NCOA3: variants seen among roughly 807,000 people sequenced by gnomAD.
NCOA3 encodes the protein CBP-interacting protein.
In NCOA3, 51 loss-of-function variants were observed where a neutral mutation model predicts 158.8. The ratio of observed to expected loss-of-function variants is 0.32; its 90% CI spans 0.26 to 0.41. The LOEUF is 0.41. NCOA3 is among the 10% of genes least tolerant of loss of function. The probability of loss-of-function intolerance (pLI) is 1.00; values close to 1 mark genes in which losing one functional copy is unlikely to be tolerated. For missense variants in NCOA3, 1,510 were observed against 1,746.6 expected (o/e 0.86, Z 2.41); for synonymous variants, 537 against 592.4 (o/e 0.91, Z 1.36).
intron 1 of NCOA3, among the ~76,000 whole-genome samples, chr20:47,578,989 A>T (rs2085413101): frequency 6.6e-6 from 1 of 152,178 alleles, no homozygotes; most frequent in South Asian, 2.1e-4. Context: ...TATATTATAT[A>T]GTTTGGATTT....
At chr20:47,599,699 G>A (rs2085825754) in intron 2 of NCOA3, among the ~76,000 whole-genome samples, 2 of 152,108 alleles carry the variant, frequency 1.3e-5, no homozygotes, top group African/African-American at 4.8e-5. Context: ...TCAAAAATAA[G>A]ATGTTAATTG....
intron 5 of NCOA3, among the ~76,000 whole-genome samples, 175 bp downstream of exon 5, chr20:47,625,656 A>AC: frequency 6.6e-6 from 1 of 152,314 alleles, no homozygotes; most frequent in East Asian, 1.9e-4. Context: ...TAATTACAAT[A>AC]TACATAATTC....
In NCOA3 at chr20:47,543,141, C is replaced by T. The variant is rs149546854; in HGVS notation, c.-98-40042C>T. ...GGATTTGCTTCCGAGGTGGCTTACT[C>T]AGTGACCATTGGTGGGAGGTCTCAG... On this transcript the variant is annotated intron_variant, in intron 1 of 22. Transcript: ENST00000371998. Among the ~76,000 whole-genome samples the T allele has an allele frequency of 2.0e-5, 3 of 152,266 alleles. No homozygotes were observed. The East Asian group carries it at 5.8e-4, about 29-fold the overall frequency.
At position 47,652,871 on chromosome 20, in the gene NCOA3, G is replaced by C; in HGVS notation, c.4122-60G>C. On this transcript the variant is annotated intron_variant, in intron 21 of 22. Transcript: ENST00000371998. ...GACACAATTGTAGTAATTTCTGTGG[G>C]CATGCCCTTTGTCGCTAAAGTGACT... 1.3e-6 allele frequency: 2 copies of C among 1,568,502 alleles called. 1 individual carries two copies. The highest frequency in any genetic ancestry group is 4.5e-5 in the East Asian group (2 of 44,464).
intron 2 of NCOA3, among the ~76,000 whole-genome samples, chr20:47,592,315 G>A (rs924784377): frequency 6.6e-6 from 1 of 152,188 alleles, no homozygotes; most frequent in Non-Finnish European, 1.5e-5. Flanking sequence ...AAAGTGCTGG[G>A]ATTACAGGTG....
intron 8 of NCOA3, among the ~76,000 whole-genome samples, chr20:47,632,807 C>T (rs920908205): frequency 1.1e-4 from 16 of 151,674 alleles, no homozygotes; most frequent in Non-Finnish European, 2.1e-4. Flanking sequence ...CTCACCCTCC[C>T]GAGTAGCTGG....
In NCOA3 at chr20:47,510,443, A is replaced by AAACAAAAC. The variant is rs2084101885; in HGVS notation, c.-99+8426_-99+8427insCAAAACAA. Among the ~76,000 whole-genome samples, 4 of 150,512 alleles carry AAACAAAAC rather than the reference A, an allele frequency of 2.7e-5. 1 individual carries two copies. The highest frequency in any genetic ancestry group is 7.3e-5 in the African/African-American group (3 of 40,982). ...GCAAGACTCCATCTCAAAAAAAAAA[A>AAACAAAAC]AAAAGTACACGATCATATCTAGAAT... is the stretch of plus-strand genomic sequence containing the variant. On this transcript the variant is annotated intron_variant, in intron 1 of 22. Transcript: ENST00000371998.
At chr20:47,613,934 T>A (rs1055095166) in intron 2 of NCOA3, among the ~76,000 whole-genome samples, 8 of 151,986 alleles carry the variant, frequency 5.3e-5, no homozygotes, top group Admixed American at 2.0e-4. Context: ...AAAAAAATTT[T>A]CTTTTCTTTC....
intron 2 of NCOA3, among the ~76,000 whole-genome samples, chr20:47,609,097 A>G (rs2086002257): frequency 6.6e-6 from 1 of 152,204 alleles, no homozygotes; most frequent in South Asian, 2.1e-4. Flanking sequence ...CAAATCGGCC[A>G]TTAATTTTAA....
intron 2 of NCOA3, among the ~76,000 whole-genome samples, chr20:47,600,237 C>T (rs1377035390): frequency 1.3e-5 from 2 of 150,824 alleles, no homozygotes; most frequent in African/African-American, 2.4e-5. Flanking sequence ...TGCAGTGGCA[C>T]GATCTTGGCT....
chr20:47,561,397 C>G (rs757546420), intron 1 of NCOA3, among the ~76,000 whole-genome samples: 1 of 151,092 alleles, frequency 6.6e-6, no homozygotes, highest in Non-Finnish European at 1.5e-5. Context: ...AATTCCTGGG[C>G]TCAAGTGATC....
At chr20:47,613,009 A>G (rs1010300260) in intron 2 of NCOA3, among the ~76,000 whole-genome samples, 2 of 152,212 alleles carry the variant, frequency 1.3e-5, no homozygotes, top group Non-Finnish European at 2.9e-5. Flanking sequence ...CAACTTCATC[A>G]GGTTTAAACT....
intron 1 of NCOA3, among the ~76,000 whole-genome samples, chr20:47,546,977 T>C (rs923258724): frequency 2.0e-5 from 3 of 152,192 alleles, no homozygotes; most frequent in Admixed American, 6.5e-5. Context: ...TCTGATTAAG[T>C]TCCTCATCTC....
chr20:47,635,733 C>CT lies in NCOA3; in HGVS notation c.1504+24dup. On this transcript the variant is annotated intron_variant, in intron 11 of 22. Coordinates refer to ENST00000371998, the MANE Select transcript of NCOA3 (RefSeq NM_181659.3). ...TTGCAGGTATTTGTGTTGACATTTC[C>CT]TTTTATTTTTTTTCTTTTTAAGTAA... is the stretch of plus-strand genomic sequence containing the variant. 1.9e-6 allele frequency: 3 copies of CT among 1,580,214 alleles called. No individual in the cohort carries two copies. The highest frequency in any genetic ancestry group is 2.3e-5 in the South Asian group (2 of 85,598).
At chr20:47,631,017 T>TG (rs1654577377) in intron 8 of NCOA3, 2 of 152,344 alleles carry the variant, frequency 1.3e-5, no homozygotes, top group South Asian at 4.1e-4. Context: ...TGTTTAACCA[T>TG]GGAGCATATT....
rs1307708774 is a variant in NCOA3 at position 47,656,128 on chromosome 20, T to C, written c.*2711T>C. 3 of 147,318 alleles carry C rather than the reference T, an allele frequency of 2.0e-5. No individual in the cohort carries two copies. The highest frequency in any genetic ancestry group is 4.5e-5 in the Non-Finnish European group (3 of 66,882). The allele number at this position is 147,318 out of a possible 1,614,324, so 9.1% of individuals were successfully genotyped here. A position where few individuals can be genotyped will look rare whatever the true frequency, so the allele number is the denominator to read the frequency against. On this transcript the variant is annotated 3_prime_UTR_variant, in exon 23 of 23. Transcript: ENST00000371998. ...TGTGGGATATTTCCAGTACCTACTT[T>C]TTTTTTTTTTTTTTGCTGAATCCAA...
chr20:47,640,275 C>G (rs976290710), intron 16 of NCOA3, among the ~76,000 whole-genome samples: 12 of 152,170 alleles, frequency 7.9e-5, no homozygotes, highest in African/African-American at 2.7e-4. Context: ...ACCATGTTGT[C>G]CAGCCATTAG....
At chr20:47,514,550 C>T (rs1021044427) in intron 1 of NCOA3, among the ~76,000 whole-genome samples, 40 of 151,800 alleles carry the variant, frequency 2.6e-4, no homozygotes, top group African/African-American at 9.4e-4. Context: ...ATCATTCCCA[C>T]CTAATTTTTT....
At chr20:47,579,141 A>C (rs1248900189) in intron 1 of NCOA3, among the ~76,000 whole-genome samples, 1 of 152,174 alleles carries the variant, frequency 6.6e-6, no homozygotes, top group Non-Finnish European at 1.5e-5. Context: ...TGAAGGCTTA[A>C]AATAAAAACC....
Sources: allele counts gnomAD v4.1 joint callset (sites outside exome capture counted in the v4.1 genomes callset), GRCh38; gene constraint gnomAD v4.1.1; transcripts MANE v1.5; gene names NCBI Gene and HGNC (gene_info 2026-07-23, HGNC 2026-07-21).